FSIP2: variants seen among roughly 807,000 people sequenced by gnomAD.
FSIP2 encodes the protein fibrous sheath interacting protein 2.
A neutral mutation model predicts 510.5 loss-of-function variants in FSIP2; 367 were observed. The ratio of observed to expected loss-of-function variants is 0.72; its 90% CI spans 0.66 to 0.78. FSIP2 has a LOEUF of 0.78. FSIP2 is among the 30% of genes least tolerant of loss of function. The pLI, the probability that FSIP2 is intolerant of heterozygous loss-of-function variation, is 0.00. For synonymous variants in FSIP2, 2,601 were observed against 2,732.2 expected, an observed-to-expected ratio of 0.95 and a Z score of 1.50; for missense variants, 7,594 against 7,901.7, an observed-to-expected ratio of 0.96 and a Z score of 1.48.
intron 19 of FSIP2, among the ~76,000 whole-genome samples, chr2:185,821,750 C>T (rs1472141563): frequency 6.6e-6 from 1 of 151,412 alleles, no homozygotes; most frequent in Non-Finnish European, 1.5e-5. Flanking sequence ...ATGGCAAAAC[C>T]CCATCTCTCC....
intron 19 of FSIP2, 34 bp downstream of exon 19, chr2:185,815,505 T>G (rs1333302751): frequency 1.2e-5 from 12 of 1,011,950 alleles, no homozygotes; most frequent in Non-Finnish European, 1.8e-5. Flanking sequence ...AATATAGAAA[T>G]CTGATAAAGT....
chr2:185,823,396 G>A (rs1368877208), intron 19 of FSIP2, among the ~76,000 whole-genome samples: 2 of 151,540 alleles, frequency 1.3e-5, no homozygotes, highest in East Asian at 3.9e-4. Context: ...AATGTGCAAA[G>A]GACTTGAATA....
intron 19 of FSIP2, among the ~76,000 whole-genome samples, chr2:185,821,790 G>A (rs921264794): frequency 6.6e-6 from 1 of 151,730 alleles, no homozygotes; most frequent in Non-Finnish European, 1.5e-5. Context: ...GCCAGACATG[G>A]TGGTGTGCAC....
Position 185,790,010 on chromosome 2 carries a change from G to T in FSIP2, c.2874G>T (p.Arg958Ser). 1 of 1,533,968 alleles carries T rather than the reference G, an allele frequency of 6.5e-7. No individual in the cohort carries two copies. The highest frequency in any genetic ancestry group is 2.5e-5 in the East Asian group (1 of 40,810). ...TAAATGAAAGTTTTCAAAAAAGTAG[G>T]CAACCTAGAATAAGTAGTCCTTCTG... ...EPVNESFQKS[R>S]QPRISSPSDT... The change falls in exon 16 of 23, where the codon AGG becomes AGT. Residue 958 changes from arginine (R) to serine (S), a missense_variant. Coordinates refer to ENST00000424728, the MANE Select transcript of FSIP2 (RefSeq NM_173651.4).
rs1395229139 is a variant in FSIP2 at position 185,762,070 on chromosome 2, A to G, written c.1240+53A>G. The G allele has an allele frequency of 1.0e-5, 8 of 801,818 alleles. No individual in the cohort carries two copies. The East Asian group carries it at 1.6e-4, about 16-fold the overall frequency. 49.7% of individuals were successfully genotyped at this position (801,818 alleles called of 1,614,324 possible). A position where few individuals can be genotyped will look rare whatever the true frequency, so the allele number is the denominator to read the frequency against. ...TTTCTGTTATTAGGCATGCAATTAT[A>G]GTTTTATTATATATTTTAAGTTGTT... On this transcript the variant is annotated intron_variant, in intron 11 of 22. Transcript: ENST00000424728.
rs1452847679 is a variant in FSIP2, at chr2:185,803,946, T to C, written c.14640T>C (p.Ile4880=). Residue 4880 remains isoleucine, a synonymous_variant, in exon 17 of 23, where the codon ATT becomes ATC. Transcript: ENST00000424728. The part of the protein sequence containing the change: ...DLSHSNIYQS[I]TKDKKSISDI... The stretch of plus-strand genomic sequence containing the variant: ...CTCATTCAAATATATACCAGTCCAT[T>C]ACAAAAGATAAAAAGAGCATAAGTG... 2.6e-6 allele frequency: 4 copies of C among 1,510,972 alleles called. No individual in the cohort carries two copies. Among genetic ancestry groups the C allele is most frequent in the Non-Finnish European group, 2.7e-6 (3 of 1,131,354 alleles). 93.6% of individuals were successfully genotyped at this position (1,510,972 alleles called of 1,614,324 possible). A position where few individuals can be genotyped will look rare whatever the true frequency, so the allele number is the denominator to read the frequency against.
intron 8 of FSIP2, among the ~76,000 whole-genome samples, chr2:185,755,211 C>A (rs914104255): frequency 2.0e-5 from 3 of 151,526 alleles, no homozygotes; most frequent in Non-Finnish European, 4.4e-5. Flanking sequence ...TTACATACTT[C>A]CCGCTGTCTT....
chr2:185,796,155 C>G lies in FSIP2; in HGVS notation c.9019C>G (p.Gln3007Glu). 1.3e-6 allele frequency: 2 copies of G among 1,533,012 alleles called. No homozygotes were observed. Among genetic ancestry groups the G allele is most frequent in the Non-Finnish European group, 1.7e-6 (2 of 1,144,766 alleles). The allele number at this position is 1,533,012 out of a possible 1,614,324, so 95.0% of individuals were successfully genotyped here. A position where few individuals can be genotyped will look rare whatever the true frequency, so the allele number is the denominator to read the frequency against. Residue 3007 changes from glutamine to glutamate, a missense_variant, in exon 16 of 23, where the codon CAG becomes GAG. Coordinates refer to ENST00000424728, the MANE Select transcript of FSIP2 (RefSeq NM_173651.4). ...CATGTTAGAGTCATTTGTGGACTTG[C>G]AGTTTAAACATATCTCCAAATATGA... ...LNMLESFVDL[Q>E]FKHISKYEFS...
At chr2:185,816,138 G>A (rs891930278) in intron 19 of FSIP2, among the ~76,000 whole-genome samples, 1 of 151,734 alleles carries the variant, frequency 6.6e-6, no homozygotes, top group Admixed American at 6.6e-5. Context: ...TACACAACTT[G>A]GAAGAGATAA....
At chr2:185,764,309 TG>T (rs1219868992) in intron 12 of FSIP2, among the ~76,000 whole-genome samples, 192 bp from the exon 13 acceptor site, 1 of 151,758 alleles carries the variant, frequency 6.6e-6, no homozygotes, top group Non-Finnish European at 1.5e-5. Context: ...GATACAACTA[TG>T]AACTTTGAAT....
chr2:185,811,990 G>A lies in FSIP2; in HGVS notation c.19828-1555G>A, dbSNP rs115599032. On this transcript the variant is annotated intron_variant, in intron 17 of 22. Coordinates refer to ENST00000424728, the MANE Select transcript of FSIP2 (RefSeq NM_173651.4). ...GGAGCCCTTACAGAGAACTTCTACC[G>A]GTAAATACAGAGGGGGCATGTTAAG... 6.9e-3 allele frequency among the ~76,000 whole-genome samples: 1,051 copies of A among 152,174 alleles called. 17 individuals carry two copies. The highest frequency in any genetic ancestry group is 0.024 in the African/African-American group (1,014 of 41,552).
intron 2 of FSIP2, among the ~76,000 whole-genome samples, chr2:185,742,847 T>G (rs1298981076): frequency 6.6e-6 from 1 of 152,190 alleles, no homozygotes; most frequent in Non-Finnish European, 1.5e-5. Flanking sequence ...GCTATTCCCT[T>G]TCTTTTCCTC....
Position 185,813,628 on chromosome 2 carries a change from T to C in FSIP2, c.19911T>C (p.Asn6637=). 1 of 1,593,182 alleles carries C rather than the reference T, an allele frequency of 6.3e-7. No homozygotes were observed. The highest frequency in any genetic ancestry group is 1.1e-5 in the South Asian group (1 of 87,412). The change falls in exon 18 of 23, where the codon AAT becomes AAC. Residue 6637 remains asparagine, a synonymous_variant. Coordinates refer to ENST00000424728, the MANE Select transcript of FSIP2 (RefSeq NM_173651.4). ...VELLKDVQSK[N]DLIVRLVAHD... Reference sequence around the variant, plus strand: ...TCTTAAAAGATGTTCAAAGTAAAAATGATCTTATTGTTCGATTAGTAGCTC... The same window carrying C: ...TCTTAAAAGATGTTCAAAGTAAAAACGATCTTATTGTTCGATTAGTAGCTC...
At chr2:185,755,860 G>C (rs1692236738) in intron 8 of FSIP2, among the ~76,000 whole-genome samples, 1 of 151,578 alleles carries the variant, frequency 6.6e-6, no homozygotes, top group South Asian at 2.1e-4. Flanking sequence ...AGCAGTCACT[G>C]TGGACTGCTG....
In FSIP2 at chr2:185,802,021, A is replaced by T. The variant is rs1422774064; in HGVS notation, c.12715A>T (p.Ser4239Cys). 6.5e-7 allele frequency: 1 copy of T among 1,529,114 alleles called. No individual in the cohort carries two copies. Among genetic ancestry groups the T allele is most frequent in the East Asian group, 2.5e-5 (1 of 40,804 alleles). The allele number at this position is 1,529,114 out of a possible 1,614,324, so 94.7% of individuals were successfully genotyped here. A position where few individuals can be genotyped will look rare whatever the true frequency, so the allele number is the denominator to read the frequency against. The change falls in exon 17 of 23, where the codon AGC becomes TGC. Residue 4239 changes from serine to cysteine, a missense_variant. Ser to Cys is a moderately radical substitution (Grantham distance 112). Transcript: ENST00000424728. The stretch of plus-strand genomic sequence containing the variant: ...AATACAAAAAAGTATAGTAAGCCGA[A>T]GCCCAATTATGATTGACCAAATAGC... Reference protein sequence around the residue: ...VSIQKSIVSRSPIMIDQIASF... With the variant: ...VSIQKSIVSRCPIMIDQIASF...
At position 185,795,291 on chromosome 2, in the gene FSIP2, G is replaced by T. The variant is rs1464154598; in HGVS notation, c.8155G>T (p.Ala2719Ser). 3.3e-6 allele frequency: 5 copies of T among 1,535,082 alleles called. No homozygotes were observed. In the South Asian group the frequency reaches 5.9e-5, roughly 18 times the overall value. ...CATTGGGTTGTCACACATCATGTCAGCTGGAGATGCCAAAAATTTACTGGA... is the reference window on the plus strand; with the variant it reads ...CATTGGGTTGTCACACATCATGTCATCTGGAGATGCCAAAAATTTACTGGA... ...TAIGLSHIMS[A>S]GDAKNLLDTK... Residue 2719 changes from alanine to serine, a missense_variant, in exon 16 of 23, where the codon GCT (alanine) becomes TCT (serine). Transcript: ENST00000424728.
rs1283287605 is a variant in FSIP2, at chr2:185,801,705, C to T, written c.12399C>T (p.Asp4133=). The T allele has an allele frequency of 1.4e-5, 21 of 1,529,506 alleles. No homozygotes were observed. The highest frequency in any genetic ancestry group is 1.7e-5 in the Non-Finnish European group (20 of 1,143,890). 94.7% of individuals were successfully genotyped at this position (1,529,506 alleles called of 1,614,324 possible). ...CTTCTCTACCCAGGTCTTCATCAGA[C>T]TATAGTACCATGTTATCACATTCAT... The part of the protein sequence containing the change: ...EFTSLPRSSS[D]YSTMLSHSFL... Residue 4133 remains aspartate, a synonymous_variant, in exon 17 of 23, where the codon GAC becomes GAT. Transcript: ENST00000424728.
intron 5 of FSIP2, among the ~76,000 whole-genome samples, chr2:185,746,421 C>T (rs970192866): frequency 6.6e-6 from 1 of 151,918 alleles, no homozygotes; most frequent in Non-Finnish European, 1.5e-5. Flanking sequence ...CTGCTTTTTA[C>T]CATTATCTTT....
At chr2:185,739,125 G>T in intron 1 of FSIP2, 132 bp downstream of exon 1, 3 of 1,277,226 alleles carry the variant, frequency 2.3e-6, no homozygotes, top group Non-Finnish European at 3.1e-6. Flanking sequence ...CTCTTGCGGC[G>T]CCCGGGGGCG....
Sources: gnomAD v4.1 joint callset for allele counts (sites outside exome capture counted in the v4.1 genomes callset) on GRCh38, gnomAD v4.1.1 for gene constraint, MANE v1.5 for transcripts, NCBI Gene and HGNC (gene_info 2026-07-23, HGNC 2026-07-21) for gene names.